Variants in ANK2 observed in about 807,000 individuals in gnomAD.
ANK2 encodes ankyrin 2.
ANK2 carries 83 observed loss-of-function variants against 360.5 expected under a neutral mutation model. The ratio of observed to expected loss-of-function variants is 0.23; its 90% confidence interval spans 0.19 to 0.28. The LOEUF (loss-of-function observed/expected upper bound fraction) is 0.28. Among genes scored for constraint, ANK2 ranks in the 10% least tolerant of loss-of-function variants. The pLI is 1.00. For missense variants in ANK2, 4,201 were observed against 4,795.7 expected, an observed-to-expected ratio of 0.88 and a Z score of 3.66; for synonymous variants, 1,740 against 1,759.5, an observed-to-expected ratio of 0.99 and a Z score of 0.28.
chr4:113,297,523 C>A (rs2072409088), intron 22 of ANK2, among the ~76,000 whole-genome samples: 1 of 151,944 alleles, frequency 6.6e-6, no homozygotes, highest in African/African-American at 2.4e-5. Context: ...CACTTGTACC[C>A]CGTAAGTATG....
At chr4:112,743,522 C>G in the ANK2 span, among the ~76,000 whole-genome samples, 1 of 105,978 alleles carries the variant, frequency 9.4e-6, no homozygotes, top group East Asian at 7.7e-4. Context: ...TCCTTCCTTT[C>G]TTTCTTTCTG....
At chr4:113,059,159 G>A (rs1012883143) in intron 1 of ANK2, among the ~76,000 whole-genome samples, 1 of 152,168 alleles carries the variant, frequency 6.6e-6, no homozygotes, top group Non-Finnish European at 1.5e-5. Flanking sequence ...TTGCATTGGT[G>A]ATTAGATTTC....
the ANK2 span, among the ~76,000 whole-genome samples, chr4:112,756,640 A>G: frequency 1.3e-5 from 2 of 152,210 alleles, no homozygotes; most frequent in Non-Finnish European, 2.9e-5. Flanking sequence ...CTTTATGATT[A>G]TGAACACTCG....
At chr4:113,009,479 A>G (rs1460341159) in intron 2 of ANK2, among the ~76,000 whole-genome samples, 1 of 152,216 alleles carries the variant, frequency 6.6e-6, no homozygotes, top group Non-Finnish European at 1.5e-5. Context: ...AAAACCTGTA[A>G]ACACCAGGAA....
intron 1 of ANK2, among the ~76,000 whole-genome samples, chr4:113,065,874 G>A (rs2154337283): frequency 6.6e-6 from 1 of 152,226 alleles, no homozygotes; most frequent in Admixed American, 6.5e-5. Flanking sequence ...TCGTACCGGT[G>A]CTCCCAAACT....
At chr4:113,117,824 T>C (rs1315382184) in intron 1 of ANK2, among the ~76,000 whole-genome samples, 1 of 152,140 alleles carries the variant, frequency 6.6e-6, no homozygotes, top group Non-Finnish European at 1.5e-5. Flanking sequence ...TAGCAGTGTG[T>C]CTTCTCACTG....
intron 1 of ANK2, among the ~76,000 whole-genome samples, chr4:113,056,069 A>G (rs1418036919): frequency 6.6e-6 from 1 of 152,188 alleles, no homozygotes; most frequent in Non-Finnish European, 1.5e-5. Context: ...GTTTTGTGCT[A>G]TGTTGTTGTA....
intron 1 of ANK2, among the ~76,000 whole-genome samples, chr4:113,089,606 A>C (rs2086707655): frequency 6.6e-6 from 1 of 152,314 alleles, no homozygotes. Flanking sequence ...CGGGTGGATC[A>C]CCTGAAGTCA....
At chr4:112,889,443 T>C (rs1011920391) in intron 1 of ANK2, among the ~76,000 whole-genome samples, 12 of 152,204 alleles carry the variant, frequency 7.9e-5, no homozygotes, top group African/African-American at 2.9e-4. Flanking sequence ...GCTAGCTCAT[T>C]AATTCTGCAG....
At chr4:112,767,554 G>A in the ANK2 span, among the ~76,000 whole-genome samples, 2 of 132,608 alleles carry the variant, frequency 1.5e-5, no homozygotes, top group Admixed American at 7.7e-5. Context: ...GTGTCAGAGC[G>A]AGACCCTGTC....
upstream of ANK2, among the ~76,000 whole-genome samples, chr4:112,815,816 A>C (rs865895578): frequency 5.3e-5 from 8 of 152,216 alleles, no homozygotes; most frequent in Non-Finnish European, 1.0e-4. Context: ...GACCACATCA[A>C]ACACCACGGG....
chr4:113,342,045 G>A lies in ANK2; in HGVS notation c.4122+129G>A, dbSNP rs529559524. On this transcript the variant is annotated intron_variant, in intron 33 of 45. Transcript: ENST00000357077. The stretch of plus-strand genomic sequence containing the variant: ...GAAAGACAAGTTCGCATTTTGGTCA[G>A]TTAGAAGGTCAACATCCAAAATCTG... The A allele has an allele frequency of 9.1e-5, 91 of 1,004,514 alleles. No homozygotes were observed. The South Asian group carries it at 1.4e-3, about 15-fold the overall frequency. 62.2% of individuals were successfully genotyped at this position (1,004,514 alleles called of 1,614,324 possible).
At chr4:113,196,696 T>TA (rs1219714076) in intron 3 of ANK2, among the ~76,000 whole-genome samples, 2 of 151,976 alleles carry the variant, frequency 1.3e-5, no homozygotes, top group Admixed American at 6.6e-5. Context: ...CCCAGCTAAT[T>TA]AAAAAAAATT....
chr4:113,267,603 G>T (rs563677001), intron 14 of ANK2, among the ~76,000 whole-genome samples: 7 of 152,206 alleles, frequency 4.6e-5, no homozygotes, highest in Non-Finnish European at 5.9e-5. Flanking sequence ...TGTTCCATTG[G>T]TCTATATATC....
At chr4:113,345,097 A>G (rs2094690935) in intron 34 of ANK2, among the ~76,000 whole-genome samples, 1 of 152,176 alleles carries the variant, frequency 6.6e-6, no homozygotes, top group Non-Finnish European at 1.5e-5. Context: ...TGTTACATAT[A>G]TTTATCACAA....
the ANK2 span, among the ~76,000 whole-genome samples, chr4:112,757,270 G>A: frequency 6.6e-6 from 1 of 151,782 alleles, no homozygotes; most frequent in East Asian, 2.0e-4. Context: ...CCGCCACCAA[G>A]CCCGGCTAAT....
chr4:112,827,346 G>A, intron 1 of ANK2: 1 of 1,282,934 alleles, frequency 7.8e-7, no homozygotes, highest in South Asian at 1.2e-5. Context: ...TACAGCAACT[G>A]GAACTTGAAC....
chr4:113,053,564 A>G (rs1002506202), intron 1 of ANK2, among the ~76,000 whole-genome samples: 1 of 152,136 alleles, frequency 6.6e-6, no homozygotes, highest in African/African-American at 2.4e-5. Flanking sequence ...GACAGCTTTG[A>G]GCCTACTCTA....
At chr4:112,968,277 T>C (rs2038108187) in intron 2 of ANK2, among the ~76,000 whole-genome samples, 1 of 152,230 alleles carries the variant, frequency 6.6e-6, no homozygotes, top group Non-Finnish European at 1.5e-5. Context: ...AGCCACAGAC[T>C]TTCTTTCAGA....
Sources: gnomAD v4.1 joint callset for allele counts (sites outside exome capture counted in the v4.1 genomes callset) on GRCh38, gnomAD v4.1.1 for gene constraint, MANE v1.5 for transcripts, NCBI Gene and HGNC (gene_info 2026-07-23, HGNC 2026-07-21) for gene names.